CAMTA1: variants seen among roughly 807,000 people sequenced by gnomAD.
CAMTA1 encodes the protein calmodulin-binding transcription activator 1.
In CAMTA1, 27 loss-of-function variants were observed where a neutral mutation model predicts 170.9. The ratio of observed to expected loss-of-function variants is 0.16; its 90% CI spans 0.12 to 0.22. The LOEUF is 0.22. CAMTA1 is among the 10% of genes least tolerant of loss of function. CAMTA1 has a pLI of 1.00. For synonymous variants in CAMTA1, 833 were observed against 891.5 expected (o/e 0.93, Z 1.17); for missense variants, 1,619 against 2,217.2 (o/e 0.73, Z 5.42).
chr1:7,502,790 G>T (rs2094029396), intron 6 of CAMTA1, among the ~76,000 whole-genome samples: 2 of 152,312 alleles, frequency 1.3e-5, no homozygotes, highest in Middle Eastern at 6.8e-3. Flanking sequence ...TGGGCTTAGT[G>T]GGGGATGTGT....
rs758110663 is a variant in CAMTA1 at position 7,010,943 on chromosome 1, G to C, written c.235-80361G>C. Among the ~76,000 whole-genome samples, 2 of 152,234 alleles carry C rather than the reference G, an allele frequency of 1.3e-5. No homozygotes were observed. Among genetic ancestry groups the C allele is most frequent in the Non-Finnish European group, 2.9e-5 (2 of 68,048 alleles). On this transcript the variant is annotated intron_variant, in intron 3 of 22. Transcript: ENST00000303635. The surrounding 1 kb of genome is among the most constrained non-coding windows in gnomAD (Gnocchi z 4.4). ...TGAGCCCTGGGAACACCTGTGCCCA[G>C]GTGCAGGTGCTGGTGAGGGTGGCTG...
rs549337602 is a variant in CAMTA1, at chr1:6,833,971, G to A, written c.234+8761G>A. ...AGCAGATTCGAGTCTTGGCTCTGCC[G>A]CTACTCAGCTGAGTGTTGGGTAAGG... On this transcript the variant is annotated intron_variant, in intron 3 of 22. Coordinates refer to ENST00000303635, the MANE Select transcript of CAMTA1 (RefSeq NM_015215.4). 8.4e-4 allele frequency among the ~76,000 whole-genome samples: 128 copies of A among 152,250 alleles called. 1 individual carries two copies. Among genetic ancestry groups the A allele is most frequent in the Admixed American group, 8.2e-3 (126 of 15,300 alleles).
intron 5 of CAMTA1, among the ~76,000 whole-genome samples, chr1:7,390,717 A>G (rs1217360039): frequency 1.3e-5 from 2 of 152,228 alleles, no homozygotes; most frequent in Non-Finnish European, 2.9e-5. Context: ...CTCTGCAAAG[A>G]AAAAGAGCAC....
intron 5 of CAMTA1, among the ~76,000 whole-genome samples, chr1:7,326,507 C>T (rs114338725): frequency 5.3e-5 from 8 of 152,278 alleles, no homozygotes; most frequent in African/African-American, 1.7e-4. Flanking sequence ...CTAAAGTGAG[C>T]TGTAAATCCA....
intron 5 of CAMTA1, among the ~76,000 whole-genome samples, chr1:7,375,472 C>G (rs2086774766): frequency 6.6e-6 from 1 of 152,204 alleles, no homozygotes; most frequent in Non-Finnish European, 1.5e-5. Context: ...ATGCACTCAC[C>G]TGGTTGCCAC....
chr1:7,656,509 G>T (rs560924250), intron 7 of CAMTA1, among the ~76,000 whole-genome samples: 1 of 152,230 alleles, frequency 6.6e-6, no homozygotes, highest in East Asian at 1.9e-4. Context: ...CAGTCACATT[G>T]GTGGTTAGGG....
At chr1:7,048,847 C>G (rs115626326) in intron 3 of CAMTA1, among the ~76,000 whole-genome samples, 13 of 152,156 alleles carry the variant, frequency 8.5e-5, no homozygotes, top group Non-Finnish European at 1.5e-4. Context: ...AGCTTTGTGA[C>G]GAGGCCTTCC....
intron 5 of CAMTA1, among the ~76,000 whole-genome samples, chr1:7,430,619 T>G (rs1220467044): frequency 6.6e-6 from 1 of 152,176 alleles, no homozygotes; most frequent in South Asian, 2.1e-4. Context: ...TCTACCATTT[T>G]GAGGCTCCAT....
intron 3 of CAMTA1, among the ~76,000 whole-genome samples, chr1:6,907,962 C>T (rs553145925): frequency 7.2e-5 from 11 of 152,288 alleles, no homozygotes; most frequent in East Asian, 3.9e-4. Context: ...GTCTGCCTTC[C>T]GGCTCCCTCG....
intron 3 of CAMTA1, among the ~76,000 whole-genome samples, chr1:7,075,495 T>G (rs1639173268): frequency 6.6e-6 from 1 of 152,188 alleles, no homozygotes; most frequent in Non-Finnish European, 1.5e-5. Flanking sequence ...ATTGCTGCCC[T>G]GGAGCACAGC....
chr1:7,649,545 G>A (rs1020266142), intron 7 of CAMTA1, among the ~76,000 whole-genome samples: 2 of 151,986 alleles, frequency 1.3e-5, no homozygotes, highest in Non-Finnish European at 2.9e-5. Context: ...CAGAGGGTGG[G>A]CACGGAGAGG....
intron 6 of CAMTA1, among the ~76,000 whole-genome samples, chr1:7,555,769 C>CT (rs36010828): frequency 0.62 from 94,615 of 151,730 alleles, 30,038 homozygotes; most frequent in South Asian, 0.74. Flanking sequence ...GTCATTCATT[C>CT]ACCTCCTCTG....
chr1:7,029,230 G>A (rs991559488), intron 3 of CAMTA1, among the ~76,000 whole-genome samples: 27 of 151,978 alleles, frequency 1.8e-4, no homozygotes, highest in African/African-American at 6.5e-4. Flanking sequence ...GGCTGGGCAC[G>A]CTGGCTCACG....
chr1:7,646,164 AGGTGGAGGCCATGGTGACTGTGAG>A (rs1558049465), intron 7 of CAMTA1, among the ~76,000 whole-genome samples: 1 of 127,546 alleles, frequency 7.8e-6, no homozygotes, highest in Admixed American at 7.8e-5. Context: ...TGGTGACTGC[AGGTGGAGGCCATGGTGACTGTGAG>A]GGTGGAGGCC....
chr1:7,469,316 A>G (rs1014845049), intron 6 of CAMTA1, among the ~76,000 whole-genome samples: 2 of 152,054 alleles, frequency 1.3e-5, no homozygotes, highest in East Asian at 3.9e-4. Context: ...TGTTACTAGG[A>G]ATTGGTCCCA....
chr1:7,542,582 T>C (rs2094626651), intron 6 of CAMTA1, among the ~76,000 whole-genome samples: 3 of 125,236 alleles, frequency 2.4e-5, no homozygotes, highest in African/African-American at 9.7e-5. Context: ...ATTACAGGTG[T>C]GTGCCTCCTG....
chr1:7,117,666 G>A (rs916320965), intron 4 of CAMTA1, among the ~76,000 whole-genome samples: 1 of 152,188 alleles, frequency 6.6e-6, no homozygotes, highest in African/African-American at 2.4e-5. Flanking sequence ...CCAGTGTTGA[G>A]CAGAGGACGG....
At chr1:7,636,017 CG>C (rs2095709481) in intron 6 of CAMTA1, among the ~76,000 whole-genome samples, 1 of 152,168 alleles carries the variant, frequency 6.6e-6, no homozygotes, top group Non-Finnish European at 1.5e-5. Flanking sequence ...GGATGGAAAC[CG>C]GGAAGCTGCC....
At chr1:6,957,879 T>A (rs1346411570) in intron 3 of CAMTA1, among the ~76,000 whole-genome samples, 1 of 152,230 alleles carries the variant, frequency 6.6e-6, no homozygotes, top group African/African-American at 2.4e-5. Flanking sequence ...TTTTGTGCCC[T>A]CTGAGCTGGG....
Sources: allele counts gnomAD v4.1 joint callset (sites outside exome capture counted in the v4.1 genomes callset), GRCh38; gene constraint gnomAD v4.1.1; non-coding constraint Gnocchi (gnomAD v3.1); transcripts MANE v1.5; gene names NCBI Gene and HGNC (gene_info 2026-07-23, HGNC 2026-07-21).